GALC: variants seen among roughly 807,000 people sequenced by gnomAD.
GALC encodes the protein galactosylceramidase.
In GALC, 77 loss-of-function variants were observed where a neutral mutation model predicts 91.8. The observed-to-expected ratio is 0.84, with a 90% confidence interval of 0.70 to 1.01. The LOEUF (loss-of-function observed/expected upper bound fraction) is 1.01, where lower values mean the gene tolerates loss of function less well. Among genes scored for constraint, GALC ranks in the 50% least tolerant of loss-of-function variants. GALC has a pLI of 0.00. For missense variants in GALC, 882 were observed against 855.9 expected, an observed-to-expected ratio of 1.03 and a Z score of -0.38; for synonymous variants, 357 against 306.7, an observed-to-expected ratio of 1.16 and a Z score of -1.71.
intron 3 of GALC, chr14:87,987,700 GA>G (rs1887031083): frequency 6.2e-6 from 1 of 162,094 alleles, no homozygotes; most frequent in Non-Finnish European, 1.3e-5. Flanking sequence ...TAGTGACAAT[GA>G]AGACTGAAGA....
At position 87,955,497 on chromosome 14, in the gene GALC, C is replaced by T. The variant is rs139454429; in HGVS notation, c.1162-4749G>A. Among the ~76,000 whole-genome samples the T allele has an allele frequency of 2.1e-3, 313 of 152,140 alleles. 1 individual carries two copies. The highest frequency in any genetic ancestry group is 8.1e-3 in the South Asian group (39 of 4,826). ...TGTTCACTGTATTTAGTCCCTGCTA[C>T]GTTCCAGGCATTGTACTAAGTATGA... On this transcript the variant is annotated intron_variant, in intron 10 of 16. Coordinates refer to ENST00000261304, the MANE Select transcript of GALC (RefSeq NM_000153.4).
intron 15 of GALC, among the ~76,000 whole-genome samples, chr14:87,940,619 T>C (rs888999546): frequency 3.3e-5 from 5 of 151,968 alleles, no homozygotes; most frequent in Non-Finnish European, 5.9e-5. Context: ...TAAGTTCAGA[T>C]TGGTAATGCT....
intron 12 of GALC, among the ~76,000 whole-genome samples, chr14:87,948,177 G>A (rs947918422): frequency 6.6e-6 from 1 of 151,696 alleles, no homozygotes; most frequent in Non-Finnish European, 1.5e-5. Context: ...TACACAGTAA[G>A]CTCCTTAAAG....
intron 11 of GALC, 68 bp from the exon 12 acceptor site, chr14:87,949,999 C>CAGT: frequency 1.2e-6 from 1 of 800,734 alleles, no homozygotes; most frequent in Non-Finnish European, 2.3e-6. Context: ...TTTCCAAAAT[C>CAGT]AGTACCAGCA....
upstream of GALC, chr14:87,993,615 G>T: frequency 1.4e-6 from 1 of 699,306 alleles, no homozygotes; most frequent in East Asian, 2.7e-5. Context: ...TATGTGAGAT[G>T]AGGCGAGAAG....
At position 87,993,052 on chromosome 14, in the gene GALC, G is replaced by T; in HGVS notation, c.113C>A (p.Ala38Glu). The T allele has an allele frequency of 6.4e-7, 1 of 1,561,134 alleles. No homozygotes were observed. The highest frequency in any genetic ancestry group is 8.7e-7 in the Non-Finnish European group (1 of 1,155,772). ...AVPLLLCALL[A>E]PGGAYVLDDS... ...GTCGAGCACGTACGCGCCGCCGGGC[G>T]CCAGCAGCGCACACAGCAGCAAGGG... Residue 38 changes from alanine to glutamate, a missense_variant, in exon 1 of 17, where the codon GCG becomes GAG. Ala to Glu is a moderately radical substitution (Grantham distance 107). Transcript: ENST00000261304.
intron 1 of GALC, among the ~76,000 whole-genome samples, chr14:87,989,894 C>G (rs1887127412): frequency 6.6e-6 from 1 of 152,182 alleles, no homozygotes; most frequent in Non-Finnish European, 1.5e-5. Flanking sequence ...TTATTTGGCT[C>G]CTAACCCTGA....
At chr14:87,952,734 A>G (rs2139968581) in intron 10 of GALC, 1 of 1,516,374 alleles carries the variant, frequency 6.6e-7, no homozygotes, top group Non-Finnish European at 9.1e-7. Context: ...AGCAAACTGT[A>G]TGAATAGACA....
At chr14:87,943,757 G>T (rs1884955446) in intron 14 of GALC, among the ~76,000 whole-genome samples, 1 of 152,012 alleles carries the variant, frequency 6.6e-6, no homozygotes, top group Admixed American at 6.6e-5. Flanking sequence ...CACAATAAGT[G>T]GGCACAGCAG....
Position 87,934,173 on chromosome 14 carries a change from G to A in GALC, c.*559C>T. The A allele has an allele frequency of 7.2e-7, 1 of 1,392,888 alleles. No individual in the cohort carries two copies. The highest frequency in any genetic ancestry group is 9.3e-7 in the Non-Finnish European group (1 of 1,076,338). The allele number at this position is 1,392,888 out of a possible 1,614,324, so 86.3% of individuals were successfully genotyped here. A position where few individuals can be genotyped will look rare whatever the true frequency, so the allele number is the denominator to read the frequency against. ...AAAATCATCCCACTCATCATATCCTGCATTTCAAAAGTATCATCTTAAAAA... is the reference window on the plus strand; with the variant it reads ...AAAATCATCCCACTCATCATATCCTACATTTCAAAAGTATCATCTTAAAAA... On this transcript the variant is annotated 3_prime_UTR_variant, in exon 17 of 17. Coordinates refer to ENST00000261304, the MANE Select transcript of GALC (RefSeq NM_000153.4).
chr14:87,966,868 C>T (rs555253934), intron 8 of GALC, among the ~76,000 whole-genome samples: 5 of 152,288 alleles, frequency 3.3e-5, no homozygotes, highest in African/African-American at 7.2e-5. Flanking sequence ...ACAGAGACAA[C>T]TTCCAATTCT....
At chr14:87,939,473 G>A (rs984557215) in intron 16 of GALC, among the ~76,000 whole-genome samples, 4 of 151,624 alleles carry the variant, frequency 2.6e-5, no homozygotes, top group Non-Finnish European at 5.9e-5. Flanking sequence ...TATTTTCTCT[G>A]ACTAAAATAT....
chr14:87,954,801 T>C (rs1439583967), intron 10 of GALC: 3 of 1,604,488 alleles, frequency 1.9e-6, no homozygotes, highest in Non-Finnish European at 2.6e-6. Context: ...GCGCAAAATA[T>C]GGATTGGAAC....
intron 1 of GALC, chr14:87,992,711 T>C: frequency 7.0e-7 from 1 of 1,431,490 alleles, no homozygotes; most frequent in Non-Finnish European, 9.1e-7. Flanking sequence ...CACTTTACTC[T>C]CTGCACCTAT....
Position 87,934,439 on chromosome 14 carries a change from G to A in GALC, c.*293C>T. ...GAGCTACCTCAGTGTTAGCAGCAAG[G>A]CTTCGAGGTCTGTACTACTCAAACC... is the stretch of plus-strand genomic sequence containing the variant. On this transcript the variant is annotated 3_prime_UTR_variant, in exon 17 of 17. Transcript: ENST00000261304. The A allele has an allele frequency of 7.6e-7, 1 of 1,311,970 alleles. No individual in the cohort carries two copies. The highest frequency in any genetic ancestry group is 9.8e-7 in the Non-Finnish European group (1 of 1,025,064). The allele number at this position is 1,311,970 out of a possible 1,614,324, so 81.3% of individuals were successfully genotyped here. A position where few individuals can be genotyped will look rare whatever the true frequency, so the allele number is the denominator to read the frequency against.
rs1478697086 is a variant in GALC, at chr14:87,988,519, G to T, written c.200C>A (p.Thr67Asn). The change falls in exon 2 of 17, where the codon ACC becomes AAC. Residue 67 changes from threonine to asparagine, a missense_variant. Coordinates refer to ENST00000261304, the MANE Select transcript of GALC (RefSeq NM_000153.4). ...TGGGTAATTTACTAGAAGTCGGGAG[G>T]TTGCCTAAAAAAAAAAGTTTTCAAA... ...GIGAVSGGGA[T>N]SRLLVNYPEP... The T allele has an allele frequency of 6.2e-7, 1 of 1,610,020 alleles. No homozygotes were observed. The highest frequency in any genetic ancestry group is 1.1e-5 in the South Asian group (1 of 90,986).
chr14:87,963,086 A>C (rs1432876250), intron 10 of GALC, among the ~76,000 whole-genome samples: 1 of 152,172 alleles, frequency 6.6e-6, no homozygotes, highest in African/African-American at 2.4e-5. Context: ...ATATCAGGGC[A>C]AGGGAAGGTC....
chr14:87,956,622 C>CAT (rs151139562), intron 10 of GALC, among the ~76,000 whole-genome samples: 59,695 of 145,400 alleles, frequency 0.41, 12,305 homozygotes, highest in African/African-American at 0.43. Context: ...ACACACACAC[C>CAT]ATATATATAT....
chr14:87,952,246 A>G (rs1266996131), intron 10 of GALC, among the ~76,000 whole-genome samples: 1 of 151,934 alleles, frequency 6.6e-6, no homozygotes, highest in Non-Finnish European at 1.5e-5. Context: ...CTAATAAAAA[A>G]TCAGGTTAAG....
Sources: allele counts gnomAD v4.1 joint callset (sites outside exome capture counted in the v4.1 genomes callset), GRCh38; gene constraint gnomAD v4.1.1; transcripts MANE v1.5; gene names NCBI Gene and HGNC (gene_info 2026-07-23, HGNC 2026-07-21).